Variants in CACHD1 observed in about 807,000 individuals in gnomAD.
CACHD1 encodes the protein cache domain containing 1, also known as VWFA and cache domain-containing protein 1.
In CACHD1, 71 loss-of-function variants were observed where a neutral mutation model predicts 138.7. That is an observed-to-expected ratio of 0.51 (90% CI 0.42 to 0.62). The LOEUF (loss-of-function observed/expected upper bound fraction) is 0.62. Among genes scored for constraint, CACHD1 ranks in the 20% least tolerant of loss-of-function variants. The probability of loss-of-function intolerance (pLI) is 0.00; values close to 1 mark genes in which losing one functional copy is unlikely to be tolerated. For synonymous variants in CACHD1, 578 were observed against 591.5 expected (o/e 0.98, Z 0.33); for missense variants, 1,389 against 1,625.3 (o/e 0.85, Z 2.50).
At chr1:64,570,374 A>G (rs1310394321) in intron 2 of CACHD1, among the ~76,000 whole-genome samples, 1 of 152,176 alleles carries the variant, frequency 6.6e-6, no homozygotes, top group African/African-American at 2.4e-5. Flanking sequence ...TCATGTTGAA[A>G]TAGCTGTTCA....
intron 7 of CACHD1, 22 bp from the exon 8 acceptor site, chr1:64,641,798 C>T (rs1193735040): frequency 7.2e-7 from 1 of 1,383,464 alleles, no homozygotes; most frequent in Non-Finnish European, 9.5e-7. Context: ...AGAGAGCATT[C>T]AATTGATGTG....
intron 21 of CACHD1, 136 bp from the exon 22 acceptor site, chr1:64,676,759 T>C: frequency 1.6e-6 from 1 of 640,338 alleles, no homozygotes; most frequent in East Asian, 2.7e-5. Flanking sequence ...TGTTAAGTGA[T>C]TGATACAAGG....
chr1:64,561,903 G>T (rs577832704), intron 2 of CACHD1, among the ~76,000 whole-genome samples: 3 of 131,930 alleles, frequency 2.3e-5, no homozygotes, highest in Non-Finnish European at 4.9e-5. Flanking sequence ...TTTCTTAAAA[G>T]ATATTTTTGC....
chr1:64,670,717 AT>A (rs1420928466), intron 16 of CACHD1, among the ~76,000 whole-genome samples: 1 of 152,126 alleles, frequency 6.6e-6, no homozygotes, highest in East Asian at 1.9e-4. Flanking sequence ...CTTAGCTTCT[AT>A]TTTTTTAGGT....
At chr1:64,604,061 G>A (rs767274861) in intron 4 of CACHD1, among the ~76,000 whole-genome samples, 38 of 152,162 alleles carry the variant, frequency 2.5e-4, no homozygotes, top group African/African-American at 8.7e-4. Flanking sequence ...ACATAAAGCC[G>A]AAGAGAAAGG....
intron 10 of CACHD1, 107 bp downstream of exon 10, chr1:64,652,417 C>G: frequency 2.0e-6 from 2 of 1,004,466 alleles, no homozygotes; most frequent in South Asian, 3.6e-5. Context: ...TAAAGAAGAG[C>G]ATTGTGACTA....
At position 64,673,102 on chromosome 1, in the gene CACHD1, T is replaced by C. The variant is rs1649868393; in HGVS notation, c.2511-56T>C. On this transcript the variant is annotated intron_variant, in intron 17 of 26. Coordinates refer to ENST00000651257, the MANE Select transcript of CACHD1 (RefSeq NM_020925.4). ...CAAGATAAATGCTCTCTGAATACGT[T>C]TGAAAAAAAAAAAAACAGCTGATAT... The C allele has an allele frequency of 3.0e-6, 4 of 1,322,152 alleles. No homozygotes were observed. In the East Asian group the frequency reaches 9.9e-5, roughly 33 times the overall value. 81.9% of individuals were successfully genotyped at this position (1,322,152 alleles called of 1,614,324 possible). A position where few individuals can be genotyped will look rare whatever the true frequency, so the allele number is the denominator to read the frequency against.
At chr1:64,681,552 T>TTTTTTTGTTTTTTTTG in intron 25 of CACHD1, among the ~76,000 whole-genome samples, 1 of 94,656 alleles carries the variant, frequency 1.1e-5, no homozygotes, top group Admixed American at 1.4e-4. Context: ...TTTTTTTTTT[T>TTTTTTTGTTTTTTTTG]TTTTTTTTTT....
In CACHD1 at chr1:64,558,221, G is replaced by C. The variant is rs571657203; in HGVS notation, c.261+7565G>C. On this transcript the variant is annotated intron_variant, in intron 2 of 26. Transcript: ENST00000651257. ...ACTTAACTAACATTAGTGTTGAACA[G>C]TTGATCCTTTTCATCTTCCTTGATA... Among the ~76,000 whole-genome samples, 27 of 152,340 alleles carry C rather than the reference G, an allele frequency of 1.8e-4. 1 individual carries two copies. Among genetic ancestry groups the C allele is most frequent in the African/African-American group, 6.5e-4 (27 of 41,568 alleles).
intron 3 of CACHD1, among the ~76,000 whole-genome samples, chr1:64,589,122 A>T (rs1647076677): frequency 6.6e-6 from 1 of 152,204 alleles, no homozygotes; most frequent in South Asian, 2.1e-4. Flanking sequence ...CTGATTCCAA[A>T]AATGAAGAAA....
intron 2 of CACHD1, among the ~76,000 whole-genome samples, chr1:64,562,803 A>G (rs1051857131): frequency 7.2e-5 from 11 of 152,174 alleles, no homozygotes; most frequent in African/African-American, 2.7e-4. Context: ...ATTCTTGAGC[A>G]TAGTTATAAT....
At chr1:64,526,500 CTG>C (rs954496836) in intron 1 of CACHD1, among the ~76,000 whole-genome samples, 9 of 152,080 alleles carry the variant, frequency 5.9e-5, no homozygotes, top group African/African-American at 2.2e-4. Context: ...GTTTTGGAAT[CTG>C]TGAAAAGTCC....
intron 13 of CACHD1, among the ~76,000 whole-genome samples, chr1:64,663,050 C>T (rs1254096675): frequency 2.6e-5 from 4 of 152,222 alleles, no homozygotes; most frequent in Admixed American, 6.5e-5. Flanking sequence ...ATAACCTGCC[C>T]AACATCACAC....
intron 1 of CACHD1, among the ~76,000 whole-genome samples, chr1:64,532,157 A>T (rs1051910203): frequency 6.6e-6 from 1 of 152,214 alleles, no homozygotes; most frequent in African/African-American, 2.4e-5. Flanking sequence ...GGGAAATTAG[A>T]GGCAAATTAC....
chr1:64,644,441 G>T (rs1648836813), intron 8 of CACHD1, among the ~76,000 whole-genome samples: 1 of 152,172 alleles, frequency 6.6e-6, no homozygotes, highest in Non-Finnish European at 1.5e-5. Context: ...GGCCCAAAAG[G>T]AAGGGATCAC....
chr1:64,688,771 A>G (rs11208505), intron 26 of CACHD1, among the ~76,000 whole-genome samples: 40,613 of 136,138 alleles, frequency 0.3, 6,826 homozygotes, highest in East Asian at 0.7. Flanking sequence ...CCACCGCCCC[A>G]ACCCCCAGCA....
intron 13 of CACHD1, among the ~76,000 whole-genome samples, chr1:64,661,588 C>A (rs905058102): frequency 2.0e-5 from 3 of 152,100 alleles, no homozygotes; most frequent in Non-Finnish European, 4.4e-5. Flanking sequence ...TGTTATTTTT[C>A]TCTATTTTCC....
chr1:64,510,719 C>T (rs1646414261), intron 1 of CACHD1, among the ~76,000 whole-genome samples: 1 of 152,018 alleles, frequency 6.6e-6, no homozygotes, highest in Non-Finnish European at 1.5e-5. Flanking sequence ...TTTAAATTGC[C>T]AAAACCAGAA....
rs551616431 is a variant in CACHD1, at chr1:64,512,393, C to CAAAAAAAAAAAAAAAAAAAAAAAAAAAA, written c.199-38175_199-38174insAAAAAAAAAAAAAAAAAAAAAAAAAAAA. On this transcript the variant is annotated intron_variant, in intron 1 of 26. Coordinates refer to ENST00000651257, the MANE Select transcript of CACHD1 (RefSeq NM_020925.4). ...TCGGTGACACAGTGAGACTGTGTCT[C>CAAAAAAAAAAAAAAAAAAAAAAAAAAAA]AAAAAAAAAAAAAAAAAAAAAAAAA... 8.9e-5 allele frequency among the ~76,000 whole-genome samples: 7 copies of CAAAAAAAAAAAAAAAAAAAAAAAAAAAA among 78,596 alleles called. 1 individual carries two copies. The highest frequency in any genetic ancestry group is 3.9e-4 in the African/African-American group (6 of 15,578). 51.6% of individuals were successfully genotyped at this position (78,596 alleles called of 152,430 possible).
Sources: allele counts gnomAD v4.1 joint callset (sites outside exome capture counted in the v4.1 genomes callset), GRCh38; gene constraint gnomAD v4.1.1; transcripts MANE v1.5; gene names NCBI Gene and HGNC (gene_info 2026-07-23, HGNC 2026-07-21).